The following HPSE2 variants were observed in gnomAD, a reference collection of about 807,000 sequenced individuals.
HPSE2 encodes the protein heparanase 2 (inactive).
A neutral mutation model predicts 60.5 loss-of-function variants in HPSE2; 38 were observed. The ratio of observed to expected loss-of-function variants is 0.63; its 90% confidence interval spans 0.48 to 0.82. HPSE2 has a LOEUF of 0.82. Ranked by LOEUF, HPSE2 falls within the 40% of genes least tolerant of loss-of-function variation. The probability of loss-of-function intolerance (pLI) is 0.00; values close to 1 mark genes in which losing one functional copy is unlikely to be tolerated. For missense variants in HPSE2, 713 were observed against 740.4 expected (o/e 0.96, Z 0.43); for synonymous variants, 295 against 293.2 (o/e 1.01, Z -0.06).
intron 3 of HPSE2, among the ~76,000 whole-genome samples, chr10:99,139,601 G>T (rs553085657): frequency 6.6e-6 from 1 of 151,986 alleles, no homozygotes; most frequent in South Asian, 2.1e-4. Flanking sequence ...TATAAAGCAC[G>T]AACACAAGGA....
At chr10:98,489,448 G>A (rs947422301) in intron 10 of HPSE2, among the ~76,000 whole-genome samples, 1 of 152,194 alleles carries the variant, frequency 6.6e-6, no homozygotes, top group Admixed American at 6.5e-5. Flanking sequence ...AGAGCCCTCA[G>A]AAAAGGAAGC....
intron 3 of HPSE2, among the ~76,000 whole-genome samples, chr10:99,052,208 G>A (rs1392583660): frequency 6.6e-6 from 1 of 151,242 alleles, no homozygotes; most frequent in Non-Finnish European, 1.5e-5. Flanking sequence ...TGAAAAGATG[G>A]AAAATCTAAG....
intron 3 of HPSE2, among the ~76,000 whole-genome samples, chr10:98,956,399 T>C (rs1955510972): frequency 6.6e-6 from 1 of 152,146 alleles, no homozygotes; most frequent in Admixed American, 6.6e-5. Flanking sequence ...TGGCTGCATA[T>C]ACAAACTAAC....
At chr10:99,141,884 AC>A in intron 3 of HPSE2, among the ~76,000 whole-genome samples, 1 of 152,304 alleles carries the variant, frequency 6.6e-6, no homozygotes, top group Middle Eastern at 3.4e-3. Flanking sequence ...TTGTTACTAT[AC>A]TGATATCTTA....
At chr10:99,257,716 T>C in the HPSE2 span, among the ~76,000 whole-genome samples, 1 of 152,174 alleles carries the variant, frequency 6.6e-6, no homozygotes, top group Non-Finnish European at 1.5e-5. Context: ...TATTACCTTG[T>C]GAAGTATGTG....
intron 3 of HPSE2, among the ~76,000 whole-genome samples, chr10:98,999,677 T>C (rs531233507): frequency 1.9e-4 from 29 of 152,214 alleles, no homozygotes; most frequent in African/African-American, 6.3e-4. Context: ...GACTCTACCA[T>C]GATTTTCAAG....
At chr10:98,698,688 T>C (rs1344092285) in intron 5 of HPSE2, among the ~76,000 whole-genome samples, 5 of 151,880 alleles carry the variant, frequency 3.3e-5, no homozygotes, top group Non-Finnish European at 2.9e-5. Context: ...TTCAAAAAAT[T>C]AATGAATCCA....
chr10:99,184,819 T>TATATATATAGAGAG (rs1554912295), intron 2 of HPSE2, among the ~76,000 whole-genome samples: 2 of 19,864 alleles, frequency 1.0e-4, no homozygotes, highest in Non-Finnish European at 2.0e-4. Flanking sequence ...TATATATATA[T>TATATATATAGAGAG]AGAGAGAGAG....
intron 3 of HPSE2, among the ~76,000 whole-genome samples, chr10:99,042,232 T>C (rs139237950): frequency 1.4e-4 from 21 of 152,200 alleles, no homozygotes; most frequent in Non-Finnish European, 2.5e-4. Flanking sequence ...ACAGCCGTCC[T>C]ATGGAGAAGA....
intron 3 of HPSE2, among the ~76,000 whole-genome samples, chr10:99,078,707 A>C (rs1307054090): frequency 6.6e-6 from 1 of 152,174 alleles, no homozygotes; most frequent in African/African-American, 2.4e-5. Flanking sequence ...CAGGAAATTT[A>C]CTTTATTCCT....
At chr10:99,143,585 A>G (rs1233680268) in intron 3 of HPSE2, among the ~76,000 whole-genome samples, 1 of 152,182 alleles carries the variant, frequency 6.6e-6, no homozygotes, top group East Asian at 1.9e-4. Flanking sequence ...ATCCTTAATG[A>G]TTCTCACATA....
chr10:98,744,203 G>A, intron 3 of HPSE2, 147 bp from the exon 4 acceptor site: 2 of 786,100 alleles, frequency 2.5e-6, no homozygotes, highest in Non-Finnish European at 2.1e-6. Flanking sequence ...ATTACCTTTT[G>A]GTCTGGGTAC....
At chr10:98,584,177 G>T (rs1944878142) in intron 9 of HPSE2, among the ~76,000 whole-genome samples, 1 of 151,982 alleles carries the variant, frequency 6.6e-6, no homozygotes, top group South Asian at 2.1e-4. Context: ...TTTGAAAGTA[G>T]GGGGTAAAAA....
At chr10:98,886,796 T>C (rs1261803364) in intron 3 of HPSE2, among the ~76,000 whole-genome samples, 1 of 152,124 alleles carries the variant, frequency 6.6e-6, no homozygotes, top group Non-Finnish European at 1.5e-5. Context: ...GTAGGGCTGG[T>C]AGAGCTCTAG....
At chr10:98,740,633 T>C (rs1185413263) in intron 4 of HPSE2, among the ~76,000 whole-genome samples, 1 of 152,220 alleles carries the variant, frequency 6.6e-6, no homozygotes, top group Non-Finnish European at 1.5e-5. Flanking sequence ...TTAGCCACTC[T>C]AGAAGAAACA....
intron 9 of HPSE2, among the ~76,000 whole-genome samples, chr10:98,542,002 G>A (rs1473726242): frequency 9.2e-5 from 11 of 120,154 alleles, no homozygotes; most frequent in Admixed American, 4.7e-4. Flanking sequence ...ATCTGAGAAC[G>A]GGCAGACTGC....
chr10:99,079,675 A>C (rs1371344872), intron 3 of HPSE2, among the ~76,000 whole-genome samples: 1 of 151,490 alleles, frequency 6.6e-6, no homozygotes, highest in Admixed American at 6.6e-5. Context: ...TCTTTAGTGC[A>C]CCTCCAGAGA....
rs1360320699 is a variant in HPSE2 at position 98,937,438 on chromosome 10, C to T, written c.611-193382G>A. On this transcript the variant is annotated intron_variant, in intron 3 of 11. Coordinates refer to ENST00000370552, the MANE Select transcript of HPSE2 (RefSeq NM_021828.5). ...AACGGCGCACCAGGAGATTATATCC[C>T]GCACATGGCTTGGAGGGTCCTACGC... 3.5e-5 allele frequency among the ~76,000 whole-genome samples: 5 copies of T among 144,402 alleles called. 1 individual carries two copies. Among genetic ancestry groups the T allele is most frequent in the African/African-American group, 1.1e-4 (4 of 35,764 alleles). 94.7% of individuals were successfully genotyped at this position (144,402 alleles called of 152,430 possible).
intron 10 of HPSE2, among the ~76,000 whole-genome samples, chr10:98,487,371 C>T (rs1941479789): frequency 6.6e-6 from 1 of 152,186 alleles, no homozygotes; most frequent in South Asian, 2.1e-4. Flanking sequence ...GCTGCCATGA[C>T]AGGCGGTGAG....
Sources: gnomAD v4.1 joint callset for allele counts (sites outside exome capture counted in the v4.1 genomes callset) on GRCh38, gnomAD v4.1.1 for gene constraint, MANE v1.5 for transcripts, NCBI Gene and HGNC (gene_info 2026-07-23, HGNC 2026-07-21) for gene names.